The following DGKB variants were observed in gnomAD, a reference collection of about 807,000 sequenced individuals.
The protein encoded by DGKB is diacylglycerol kinase beta.
DGKB carries 67 observed loss-of-function variants against 114.3 expected under a neutral mutation model. The ratio of observed to expected loss-of-function variants is 0.59; its 90% CI spans 0.48 to 0.72. DGKB has a LOEUF of 0.72. Ranked by LOEUF, DGKB falls within the 30% of genes least tolerant of loss-of-function variation. The pLI, the probability that DGKB is intolerant of heterozygous loss-of-function variation, is 0.00. For missense variants in DGKB, 907 were observed against 975.2 expected (o/e 0.93, Z 0.93); for synonymous variants, 398 against 323.1 (o/e 1.23, Z -2.49).
intron 21 of DGKB, among the ~76,000 whole-genome samples, chr7:14,473,098 G>A (rs1283718342): frequency 6.6e-6 from 1 of 152,140 alleles, no homozygotes; most frequent in Admixed American, 6.5e-5. Context: ...AAGACAATGG[G>A]GGAAAATGTC....
chr7:14,425,994 T>C (rs1583848956), intron 21 of DGKB, among the ~76,000 whole-genome samples: 1 of 152,308 alleles, frequency 6.6e-6, no homozygotes, highest in African/African-American at 2.4e-5. Flanking sequence ...ATTTAGAGTG[T>C]TGAAATTCAA....
chr7:14,579,706 A>G (rs1352801010), intron 19 of DGKB, among the ~76,000 whole-genome samples: 1 of 152,172 alleles, frequency 6.6e-6, no homozygotes, highest in Non-Finnish European at 1.5e-5. Flanking sequence ...AAGCACGTAT[A>G]CAGCTTAGAG....
intron 2 of DGKB, among the ~76,000 whole-genome samples, chr7:14,790,335 T>C (rs1840490199): frequency 6.6e-6 from 1 of 152,188 alleles, no homozygotes; most frequent in Non-Finnish European, 1.5e-5. Context: ...GGATTGCACT[T>C]TCAATATCAA....
chr7:14,598,214 T>C (rs1802926554), intron 17 of DGKB, among the ~76,000 whole-genome samples: 1 of 152,164 alleles, frequency 6.6e-6, no homozygotes, highest in African/African-American at 2.4e-5. Flanking sequence ...ATGTTTCATT[T>C]AAAACATTCT....
intron 2 of DGKB, among the ~76,000 whole-genome samples, chr7:14,802,892 A>C (rs1030604286): frequency 6.6e-6 from 1 of 152,132 alleles, no homozygotes; most frequent in Non-Finnish European, 1.5e-5. Context: ...TTATTTTTCT[A>C]ATATTTACAT....
intron 2 of DGKB, among the ~76,000 whole-genome samples, chr7:14,763,108 G>C (rs7790784): frequency 1 from 151,788 of 152,230 alleles, 75,673 homozygotes; most frequent in Middle Eastern, 1. Flanking sequence ...TCATCCAATT[G>C]TGAAGGCATC....
chr7:14,587,526 C>G (rs988121540), intron 17 of DGKB, among the ~76,000 whole-genome samples: 1 of 152,116 alleles, frequency 6.6e-6, no homozygotes, highest in Non-Finnish European at 1.5e-5. Context: ...AGAAGACTGA[C>G]TCAAATTCTG....
chr7:14,392,982 G>GTT (rs1298052301), intron 21 of DGKB, among the ~76,000 whole-genome samples: 4 of 27,482 alleles, frequency 1.5e-4, no homozygotes, highest in African/African-American at 2.7e-4. Flanking sequence ...AAACAGACCT[G>GTT]TTTTTTGTTT....
At chr7:14,559,503 C>G (rs766493873) in intron 20 of DGKB, among the ~76,000 whole-genome samples, 3 of 152,128 alleles carry the variant, frequency 2.0e-5, no homozygotes, top group Non-Finnish European at 4.4e-5. Context: ...GGCCTTAGTT[C>G]TGGGGTAAAA....
At chr7:14,777,347 G>A (rs996385084) in intron 2 of DGKB, among the ~76,000 whole-genome samples, 1 of 152,044 alleles carries the variant, frequency 6.6e-6, no homozygotes, top group African/African-American at 2.4e-5. Context: ...GAGGATATGA[G>A]ATTTGGGAGA....
chr7:14,404,477 G>T (rs1823626465), intron 21 of DGKB, among the ~76,000 whole-genome samples: 1 of 151,806 alleles, frequency 6.6e-6, no homozygotes, highest in African/African-American at 2.4e-5. Context: ...ACACTCAACT[G>T]CCTACCCTGC....
intron 17 of DGKB, among the ~76,000 whole-genome samples, chr7:14,593,954 G>A (rs1319128704): frequency 1.3e-5 from 2 of 151,976 alleles, no homozygotes; most frequent in Non-Finnish European, 2.9e-5. Context: ...TGACCAATCT[G>A]CCTTTCATGC....
At chr7:14,794,503 G>A (rs746554099) in intron 2 of DGKB, among the ~76,000 whole-genome samples, 15 of 152,100 alleles carry the variant, frequency 9.9e-5, no homozygotes, top group Admixed American at 2.0e-4. Flanking sequence ...TGCTGATCAA[G>A]TGGTAAAAGA....
chr7:14,351,337 C>T (rs17168091), intron 21 of DGKB, among the ~76,000 whole-genome samples: 118,186 of 152,170 alleles, frequency 0.78, 46,938 homozygotes, highest in African/African-American at 0.91. Flanking sequence ...GAATGAGGAG[C>T]GTCTGAAAGC....
At chr7:14,165,877 G>C (rs907534307) in intron 25 of DGKB, among the ~76,000 whole-genome samples, 3 of 152,162 alleles carry the variant, frequency 2.0e-5, no homozygotes, top group Non-Finnish European at 4.4e-5. Context: ...ACTACTGTCT[G>C]TTTTACACCT....
chr7:14,753,790 G>A, intron 4 of DGKB, 138 bp downstream of exon 4: 2 of 665,996 alleles, frequency 3.0e-6, no homozygotes, highest in East Asian at 2.9e-5. Flanking sequence ...TAACCTATGA[G>A]TATTATAGGC....
At position 14,159,828 on chromosome 7, in the gene DGKB, A is replaced by C. The variant is rs868712746; in HGVS notation, c.2305-10590T>G. Among the ~76,000 whole-genome samples, 5 of 151,950 alleles carry C rather than the reference A, an allele frequency of 3.3e-5. No individual in the cohort carries two copies. In the South Asian group the frequency reaches 1.0e-3, roughly 32 times the overall value. ...GCTGGAATTATAGGCGTCCACCACCACGCCCAGCTAATTTTTGTATTTTTA... is the reference window on the plus strand; with the variant it reads ...GCTGGAATTATAGGCGTCCACCACCCCGCCCAGCTAATTTTTGTATTTTTA... On this transcript the variant is annotated intron_variant, in intron 25 of 25. Transcript: ENST00000402815.
intron 1 of DGKB, among the ~76,000 whole-genome samples, chr7:14,938,520 T>C (rs965041835): frequency 3.3e-5 from 5 of 152,190 alleles, no homozygotes; most frequent in African/African-American, 1.2e-4. Context: ...TGGAATTCTC[T>C]GTAAGACACA....
At chr7:14,839,275 G>A (rs1020803244) in intron 2 of DGKB, among the ~76,000 whole-genome samples, 4 of 152,110 alleles carry the variant, frequency 2.6e-5, no homozygotes, top group Non-Finnish European at 5.9e-5. Flanking sequence ...GCAGCAAAGA[G>A]CAGAGCATAT....
Sources: allele counts gnomAD v4.1 joint callset (sites outside exome capture counted in the v4.1 genomes callset), GRCh38; gene constraint gnomAD v4.1.1; transcripts MANE v1.5; gene names NCBI Gene and HGNC (gene_info 2026-07-23, HGNC 2026-07-21).